The following SIPA1L2 variants were observed in gnomAD, a reference collection of about 807,000 sequenced individuals.
SIPA1L2 encodes the protein signal-induced proliferation-associated 1-like protein 2.
Under a neutral mutation model 163.9 loss-of-function variants are expected in SIPA1L2, and 56 were observed. That is an observed-to-expected ratio of 0.34 (90% confidence interval 0.28 to 0.43). The LOEUF (loss-of-function observed/expected upper bound fraction) is 0.43, where lower values mean the gene tolerates loss of function less well. SIPA1L2 is among the 20% of genes least tolerant of loss of function. The probability of loss-of-function intolerance (pLI) is 1.00; values close to 1 mark genes in which losing one functional copy is unlikely to be tolerated. For synonymous variants in SIPA1L2, 877 were observed against 865.7 expected (o/e 1.01, Z -0.23); for missense variants, 1,974 against 2,193.5 (o/e 0.90, Z 2.00).
chr1:232,492,531 A>T (rs1327689609), intron 4 of SIPA1L2, among the ~76,000 whole-genome samples: 1 of 152,162 alleles, frequency 6.6e-6, no homozygotes, highest in Non-Finnish European at 1.5e-5. Context: ...TTCTTTATAT[A>T]AATCAATATC....
chr1:232,449,483 A>C (rs1663427706), intron 10 of SIPA1L2, among the ~76,000 whole-genome samples: 4 of 149,650 alleles, frequency 2.7e-5, no homozygotes, highest in African/African-American at 9.8e-5. Context: ...GTGCCACTGC[A>C]GTCCGGCCTA....
Position 232,508,407 on chromosome 1 carries a change from G to C in SIPA1L2, c.1483+5450C>G, listed in dbSNP as rs112297746. On this transcript the variant is annotated intron_variant, in intron 3 of 22. Coordinates refer to ENST00000674635, the MANE Select transcript of SIPA1L2 (RefSeq NM_020808.5). ...CAAGTTAAGGATTTCGTCACCAAGC[G>C]GGGGAGACCTCACGTGTCAACACAC... Among the ~76,000 whole-genome samples the C allele has an allele frequency of 5.3e-3, 808 of 152,290 alleles. 8 individuals are homozygous for C. The highest frequency in any genetic ancestry group is 0.018 in the African/African-American group (760 of 41,540).
chr1:232,528,112 C>A (rs1478556752), intron 2 of SIPA1L2, among the ~76,000 whole-genome samples: 1 of 114,864 alleles, frequency 8.7e-6, no homozygotes, highest in Non-Finnish European at 1.7e-5. Context: ...AATCAACTTT[C>A]TAAAAACCAC....
At chr1:232,551,563 A>T (rs997962838) in intron 2 of SIPA1L2, among the ~76,000 whole-genome samples, 1 of 152,208 alleles carries the variant, frequency 6.6e-6, no homozygotes, top group African/African-American at 2.4e-5. Context: ...GAGCGGTGGG[A>T]ATTTCCAGGA....
intron 1 of SIPA1L2, among the ~76,000 whole-genome samples, chr1:232,619,983 C>T (rs1284769676): frequency 6.6e-6 from 1 of 152,152 alleles, no homozygotes; most frequent in Non-Finnish European, 1.5e-5. Context: ...CTCCCGAGTT[C>T]AAGCGTTTCT....
intron 5 of SIPA1L2, among the ~76,000 whole-genome samples, chr1:232,485,396 T>C (rs1207324200): frequency 6.6e-6 from 1 of 152,202 alleles, no homozygotes; most frequent in Non-Finnish European, 1.5e-5. Context: ...TATGAATTTA[T>C]TGAGCTACTA....
chr1:232,464,947 A>T lies in SIPA1L2; in HGVS notation c.2713T>A (p.Ser905Thr). The change falls in exon 9 of 23, where the codon TCT becomes ACT. Residue 905 changes from serine (S) to threonine (T), a missense_variant. Ser to Thr is a moderately conservative substitution (Grantham distance 58). Coordinates refer to ENST00000674635, the MANE Select transcript of SIPA1L2 (RefSeq NM_020808.5). Reference sequence around the variant, plus strand: ...AACACTTTGATACTCACTAATCCAGATGTCCACCCAATCACATCCCTGCAG... The same window carrying T: ...AACACTTTGATACTCACTAATCCAGTTGTCCACCCAATCACATCCCTGCAG... ...CSCRDVIGWT[S>T]GLVSIKVFYE... 1 of 1,614,222 alleles carries T rather than the reference A, an allele frequency of 6.2e-7. No homozygotes were observed. Among genetic ancestry groups the T allele is most frequent in the Non-Finnish European group, 8.5e-7 (1 of 1,180,036 alleles).
chr1:232,436,255 G>T (rs1254979159), intron 15 of SIPA1L2, among the ~76,000 whole-genome samples: 1 of 152,166 alleles, frequency 6.6e-6, no homozygotes, highest in Non-Finnish European at 1.5e-5. Flanking sequence ...GGATACAAGC[G>T]AACAAGATAG....
chr1:232,506,448 G>A (rs1007655083), intron 3 of SIPA1L2, among the ~76,000 whole-genome samples: 4 of 152,056 alleles, frequency 2.6e-5, no homozygotes, highest in South Asian at 2.1e-4. Flanking sequence ...TCATTTGCCC[G>A]CCATTCACAG....
chr1:232,617,643 A>C (rs1662570771), intron 1 of SIPA1L2, among the ~76,000 whole-genome samples: 1 of 152,162 alleles, frequency 6.6e-6, no homozygotes, highest in Non-Finnish European at 1.5e-5. Flanking sequence ...ATGGCCCTAA[A>C]AAAAAAAGGA....
intron 5 of SIPA1L2, among the ~76,000 whole-genome samples, chr1:232,487,301 C>T (rs567132884): frequency 1.3e-5 from 2 of 152,306 alleles, no homozygotes; most frequent in African/African-American, 4.8e-5. Flanking sequence ...AGAATTGTCT[C>T]GAGCATATCT....
intron 7 of SIPA1L2, among the ~76,000 whole-genome samples, chr1:232,477,495 C>T (rs1665105043): frequency 6.6e-6 from 1 of 152,178 alleles, no homozygotes; most frequent in African/African-American, 2.4e-5. Flanking sequence ...TCTGGGCACA[C>T]AGGGACACTT....
chr1:232,579,064 C>A (rs1367708850), intron 1 of SIPA1L2, among the ~76,000 whole-genome samples: 2 of 152,176 alleles, frequency 1.3e-5, no homozygotes, highest in Non-Finnish European at 2.9e-5. Flanking sequence ...AGGCTCCTCA[C>A]ACTTCATCAG....
At position 232,483,827 on chromosome 1, in the gene SIPA1L2, C is replaced by A. The variant is rs563579707; in HGVS notation, c.1946G>T (p.Gly649Val). 7.4e-6 allele frequency: 12 copies of A among 1,613,988 alleles called. No homozygotes were observed. The highest frequency in any genetic ancestry group is 1.7e-6 in the Non-Finnish European group (2 of 1,179,940). The change falls in exon 6 of 23, where the codon GGA (glycine) becomes GTA (valine). Residue 649 changes from glycine (G) to valine (V), a missense_variant. This residue lies in a region of SIPA1L2 where 288 missense variants were observed against 418.9 expected (regional missense o/e 0.69). Transcript: ENST00000674635. ...TAGCTGAGCTCGATATTTACTAAAT[C>A]CTTTCAGTCGGACTCTCTGGCCCAG... is the stretch of plus-strand genomic sequence containing the variant. Reference protein sequence around the residue: ...DLLGQRVRLKGFSKYRAQLDN... With the variant: ...DLLGQRVRLKVFSKYRAQLDN...
chr1:232,441,161 A>T, intron 14 of SIPA1L2, 130 bp downstream of exon 14: 1 of 665,442 alleles, frequency 1.5e-6, no homozygotes, highest in Non-Finnish European at 2.4e-6. Flanking sequence ...TTCCTTTTTT[A>T]ACCTCACCTC....
At chr1:232,572,754 T>C (rs766338895) in intron 2 of SIPA1L2, among the ~76,000 whole-genome samples, 42,700 of 115,686 alleles carry the variant, frequency 0.37, 8,291 homozygotes, top group Middle Eastern at 0.51. Context: ...TATATATATA[T>C]ATATATATAT....
intron 2 of SIPA1L2, among the ~76,000 whole-genome samples, chr1:232,555,510 T>C (rs1658651871): frequency 6.6e-6 from 1 of 152,196 alleles, no homozygotes; most frequent in African/African-American, 2.4e-5. Context: ...CTCCACCATA[T>C]ATAGGCTCTC....
At chr1:232,528,249 G>T (rs1045047635) in intron 2 of SIPA1L2, among the ~76,000 whole-genome samples, 2 of 151,682 alleles carry the variant, frequency 1.3e-5, no homozygotes, top group Non-Finnish European at 2.9e-5. Context: ...AAAAATCTCC[G>T]AAGAGACAAG....
At position 232,441,350 on chromosome 1, in the gene SIPA1L2, T is replaced by C. The variant is rs768620871; in HGVS notation, c.3583A>G (p.Lys1195Glu). The C allele has an allele frequency of 1.9e-6, 3 of 1,595,666 alleles. No individual in the cohort carries two copies. The African/African-American group carries it at 4.1e-5, about 22-fold the overall frequency. ...CCATCTTTCTGCAGAGCTCTTTCTT[T>C]ATAGGAACCCAGGACTTTGGAAGGT... ...GPPSKVLGSY[K>E]ERALQKDGSC... is the part of the protein sequence containing the mutation. Residue 1195 changes from lysine to glutamate, a missense_variant, in exon 14 of 23, where the codon AAA becomes GAA. By Grantham distance (56) the Lys-to-Glu change is moderately conservative. This residue lies in a region of SIPA1L2 where 1,079 missense variants were observed against 1,150.7 expected (regional missense o/e 0.94). Transcript: ENST00000674635.
Sources: allele counts gnomAD v4.1 joint callset (sites outside exome capture counted in the v4.1 genomes callset), GRCh38; gene constraint gnomAD v4.1.1; regional missense constraint gnomAD v4.1.1; transcripts MANE v1.5; gene names NCBI Gene and HGNC (gene_info 2026-07-23, HGNC 2026-07-21).